Variants in MAGI1 observed in about 807,000 individuals in gnomAD.
MAGI1 encodes membrane-associated guanylate kinase, WW and PDZ domain-containing protein 1.
In MAGI1, 58 loss-of-function variants were observed where a neutral mutation model predicts 139.9. That is an observed-to-expected ratio of 0.41 (90% CI 0.34 to 0.52). The LOEUF (loss-of-function observed/expected upper bound fraction) is 0.52, where lower values mean the gene tolerates loss of function less well. MAGI1 is among the 20% of genes least tolerant of loss of function. MAGI1 has a pLI of 0.12. For synonymous variants in MAGI1, 812 were observed against 737.9 expected (o/e 1.10, Z -1.63); for missense variants, 1,874 against 1,901.6 (o/e 0.99, Z 0.27).
intron 6 of MAGI1, among the ~76,000 whole-genome samples, chr3:65,450,483 G>C (rs1948966224): frequency 6.6e-6 from 1 of 152,144 alleles, no homozygotes; most frequent in African/African-American, 2.4e-5. Flanking sequence ...GGGGAATTTT[G>C]AGTATGCATA....
intron 2 of MAGI1, chr3:65,597,950 T>C (rs1374823484): frequency 4.4e-6 from 2 of 452,610 alleles, no homozygotes; most frequent in Non-Finnish European, 8.9e-6. Flanking sequence ...ACCGAACCCC[T>C]TCCTGGGAGA....
chr3:65,363,678 TGGCAAAAA>T, intron 20 of MAGI1, 70 bp from the exon 21 acceptor site: 1 of 1,395,106 alleles, frequency 7.2e-7, no homozygotes, highest in Non-Finnish European at 9.8e-7. Flanking sequence ...TAAACATTCT[TGGCAAAAA>T]GGCACAATCT....
chr3:65,813,755 G>T (rs1017420177), intron 1 of MAGI1, among the ~76,000 whole-genome samples: 2 of 152,166 alleles, frequency 1.3e-5, no homozygotes, highest in Non-Finnish European at 2.9e-5. Context: ...TCATAAAATG[G>T]TATTTATAAT....
At chr3:65,379,146 C>T in intron 17 of MAGI1, 115 bp downstream of exon 17, 1 of 1,562,628 alleles carries the variant, frequency 6.4e-7, no homozygotes, top group South Asian at 1.2e-5. Flanking sequence ...TTACCCAGAG[C>T]AAGAAGCTAT....
At chr3:65,921,522 C>T (rs2062185076) in intron 1 of MAGI1, among the ~76,000 whole-genome samples, 2 of 151,978 alleles carry the variant, frequency 1.3e-5, no homozygotes, top group South Asian at 2.1e-4. Context: ...GTTGGCCAGG[C>T]TGGTCTCGAA....
intron 5 of MAGI1, among the ~76,000 whole-genome samples, chr3:65,457,948 C>G (rs954955935): frequency 8.5e-5 from 13 of 152,114 alleles, no homozygotes; most frequent in African/African-American, 2.9e-4. Flanking sequence ...CTTACCACCA[C>G]TCCACCACCC....
intron 1 of MAGI1, among the ~76,000 whole-genome samples, chr3:65,628,806 T>G (rs1269586077): frequency 6.6e-6 from 1 of 152,188 alleles, no homozygotes; most frequent in East Asian, 1.9e-4. Flanking sequence ...GATATCTTGG[T>G]GTTATATTAA....
intron 1 of MAGI1, among the ~76,000 whole-genome samples, chr3:65,801,522 TG>T (rs147786240): frequency 6.6e-6 from 1 of 152,282 alleles, no homozygotes; most frequent in East Asian, 1.9e-4. Context: ...CCAACTTGGC[TG>T]GAAAAAAGCT....
At chr3:65,727,915 G>A (rs2033789027) in intron 1 of MAGI1, among the ~76,000 whole-genome samples, 1 of 152,216 alleles carries the variant, frequency 6.6e-6, no homozygotes, top group Non-Finnish European at 1.5e-5. Flanking sequence ...TCCGGGTGAT[G>A]TCAGGGAGAG....
chr3:65,842,470 G>A (rs2058841896), intron 1 of MAGI1, among the ~76,000 whole-genome samples: 1 of 151,590 alleles, frequency 6.6e-6, no homozygotes. Flanking sequence ...AAGCGACTCT[G>A]CTGCCTCAGC....
At chr3:65,888,130 T>C (rs2060603635) in intron 1 of MAGI1, among the ~76,000 whole-genome samples, 1 of 152,164 alleles carries the variant, frequency 6.6e-6, no homozygotes, top group South Asian at 2.1e-4. Context: ...TGAAAACAAT[T>C]CCCACTATCC....
intron 1 of MAGI1, among the ~76,000 whole-genome samples, chr3:65,999,413 C>T (rs1553745227): frequency 6.6e-6 from 1 of 152,036 alleles, no homozygotes; most frequent in Non-Finnish European, 1.5e-5. Flanking sequence ...CAAGCATATG[C>T]AATATCAAAA....
chr3:65,732,848 T>G (rs1228951150), intron 1 of MAGI1, among the ~76,000 whole-genome samples: 1 of 152,062 alleles, frequency 6.6e-6, no homozygotes, highest in East Asian at 1.9e-4. Context: ...GCAAAAAAAC[T>G]ATGACTCTGA....
At chr3:65,839,406 C>CT (rs79801193) in intron 1 of MAGI1, among the ~76,000 whole-genome samples, 9 of 148,600 alleles carry the variant, frequency 6.1e-5, no homozygotes, top group East Asian at 2.0e-4. Context: ...ATTCCTTCGA[C>CT]TTTTTTTTTT....
At chr3:65,472,909 A>C (rs1351483972) in intron 4 of MAGI1, among the ~76,000 whole-genome samples, 1 of 152,224 alleles carries the variant, frequency 6.6e-6, no homozygotes, top group Non-Finnish European at 1.5e-5. Context: ...TCAGTGAAAA[A>C]TGAAAGGTCA....
chr3:65,524,053 G>A (rs905955562), intron 2 of MAGI1, among the ~76,000 whole-genome samples: 2 of 152,064 alleles, frequency 1.3e-5, no homozygotes, highest in East Asian at 1.9e-4. Flanking sequence ...GGGAAGGAAA[G>A]CAAGAAGAAA....
chr3:65,875,684 C>T (rs1454512672), intron 1 of MAGI1, among the ~76,000 whole-genome samples: 1 of 152,140 alleles, frequency 6.6e-6, no homozygotes, highest in African/African-American at 2.4e-5. Flanking sequence ...CCCTTCCAGC[C>T]CTACTATATC....
intron 2 of MAGI1, among the ~76,000 whole-genome samples, chr3:65,516,317 C>G (rs896299178): frequency 6.6e-6 from 1 of 152,014 alleles, no homozygotes; most frequent in African/African-American, 2.4e-5. Flanking sequence ...GTAGCTGGGA[C>G]TACAGGCATG....
intron 10 of MAGI1, among the ~76,000 whole-genome samples, chr3:65,433,144 A>C (rs977785005): frequency 3.9e-5 from 6 of 152,178 alleles, no homozygotes; most frequent in Non-Finnish European, 7.4e-5. Context: ...TGTCTGGTAC[A>C]TTTTATGTGC....
Sources: gnomAD v4.1 joint callset for allele counts (sites outside exome capture counted in the v4.1 genomes callset) on GRCh38, gnomAD v4.1.1 for gene constraint, MANE v1.5 for transcripts, NCBI Gene and HGNC (gene_info 2026-07-23, HGNC 2026-07-21) for gene names.